Variants in TRAPPC13 observed in about 807,000 individuals in gnomAD.
TRAPPC13 encodes REV7-interacting novel NHEJ regulator 1.
Under a neutral mutation model 54.0 loss-of-function variants are expected in TRAPPC13, and 39 were observed. The observed-to-expected ratio is 0.72, with a 90% CI of 0.56 to 0.94. The LOEUF (loss-of-function observed/expected upper bound fraction) is 0.94. Among genes scored for constraint, TRAPPC13 ranks in the 40% least tolerant of loss-of-function variants. TRAPPC13 has a pLI of 0.00. For missense variants in TRAPPC13, 386 were observed against 488.1 expected, an observed-to-expected ratio of 0.79 and a Z score of 1.97; for synonymous variants, 148 against 167.7, an observed-to-expected ratio of 0.88 and a Z score of 0.91.
intron 4 of TRAPPC13, among the ~76,000 whole-genome samples, chr5:65,640,370 C>A (rs1180230748): frequency 6.6e-6 from 1 of 152,160 alleles, no homozygotes; most frequent in African/African-American, 2.4e-5. Flanking sequence ...GGCACCGCCT[C>A]TACAAACAAA....
chr5:65,635,058 T>A, intron 1 of TRAPPC13: 1 of 542,242 alleles, frequency 1.8e-6, no homozygotes, highest in Non-Finnish European at 2.3e-6. Context: ...ATGCATATTG[T>A]ATTTACATTT....
At chr5:65,625,390 A>T (rs1755163970) in intron 1 of TRAPPC13, 1 of 412,642 alleles carries the variant, frequency 2.4e-6, no homozygotes, top group Non-Finnish European at 4.3e-6. Context: ...CCTACCGTGG[A>T]GATCTCTGTG....
chr5:65,644,566 T>G (rs1337798667), intron 4 of TRAPPC13, among the ~76,000 whole-genome samples: 1 of 152,222 alleles, frequency 6.6e-6, no homozygotes, highest in Non-Finnish European at 1.5e-5. Flanking sequence ...TTATTTCTTT[T>G]TTTCTCTAAT....
At chr5:65,629,963 C>T in intron 1 of TRAPPC13, 2 of 1,536,056 alleles carry the variant, frequency 1.3e-6, no homozygotes, top group South Asian at 2.4e-5. Context: ...AAAGGGAAAA[C>T]AGCACAAGAG....
intron 7 of TRAPPC13, among the ~76,000 whole-genome samples, chr5:65,655,421 A>C (rs1756616817): frequency 6.6e-6 from 1 of 152,142 alleles, no homozygotes; most frequent in South Asian, 2.1e-4. Flanking sequence ...GTTCTTCTCT[A>C]TTCCATTGTC....
chr5:65,653,134 CAAAA>C (rs56915791), intron 7 of TRAPPC13, among the ~76,000 whole-genome samples: 1 of 114,222 alleles, frequency 8.8e-6, no homozygotes, highest in African/African-American at 3.2e-5. Flanking sequence ...AGAACTTGCC[CAAAA>C]AAAAAAAAGA....
chr5:65,635,983 C>T lies in TRAPPC13; in HGVS notation c.155C>T (p.Thr52Ile), dbSNP rs755171533. Residue 52 changes from threonine to isoleucine, a missense_variant, in exon 3 of 13, where the codon ACC (threonine) becomes ATC (isoleucine). Thr to Ile is a moderately conservative substitution (Grantham distance 89, BLOSUM62 -1). Coordinates refer to ENST00000399438, the MANE Select transcript of TRAPPC13 (RefSeq NM_024941.4). ...CAGCTGATGAGAGATGATCCTTCAA[C>T]CGTTAATGGTGCAGAAGTTTTAATG... Reference protein sequence around the residue: ...FNQLMRDDPSTVNGAEVLMLG... With the variant: ...FNQLMRDDPSIVNGAEVLMLG... 6 of 1,601,490 alleles carry T rather than the reference C, an allele frequency of 3.7e-6. No individual in the cohort carries two copies. In the African/African-American group the frequency reaches 8.0e-5, roughly 21 times the overall value.
intron 5 of TRAPPC13, among the ~76,000 whole-genome samples, chr5:65,649,336 A>C (rs953980164): frequency 6.6e-6 from 1 of 152,222 alleles, no homozygotes; most frequent in Admixed American, 6.5e-5. Flanking sequence ...ACAGAGATGA[A>C]CACCTTAATG....
At chr5:65,635,174 T>C (rs1755702166) in intron 1 of TRAPPC13, 127 bp from the exon 2 acceptor site, 1 of 814,476 alleles carries the variant, frequency 1.2e-6, no homozygotes, top group Non-Finnish European at 1.9e-6. Context: ...TGTAGTATTA[T>C]ATTTAGGAAG....
In TRAPPC13 at chr5:65,665,659, C is replaced by G. The variant is rs62367742; in HGVS notation, c.*1048C>G. 6.6e-6 allele frequency: 1 copy of G among 152,006 alleles called. No individual in the cohort carries two copies. Among genetic ancestry groups the G allele is most frequent in the Non-Finnish European group, 1.5e-5 (1 of 67,982 alleles). The allele number at this position is 152,006 out of a possible 1,614,324, so 9.4% of individuals were successfully genotyped here. On this transcript the variant is annotated 3_prime_UTR_variant, in exon 13 of 13. Coordinates refer to ENST00000399438, the MANE Select transcript of TRAPPC13 (RefSeq NM_024941.4). ...TAAGGTATATTTAAATAATTCCCAT[C>G]TTCTGATATGATTTTAAACTCTAAA...
intron 4 of TRAPPC13, among the ~76,000 whole-genome samples, chr5:65,645,147 G>A (rs1051127776): frequency 3.5e-5 from 5 of 141,440 alleles, no homozygotes; most frequent in African/African-American, 1.3e-4. Flanking sequence ...GCAGTCAGCC[G>A]AGATCATGCC....
intron 4 of TRAPPC13, among the ~76,000 whole-genome samples, chr5:65,640,847 T>C (rs1755937108): frequency 6.6e-6 from 1 of 152,176 alleles, no homozygotes; most frequent in African/African-American, 2.4e-5. Flanking sequence ...TTTATAATAA[T>C]AATTATAAGC....
chr5:65,640,791 A>G (rs1303128454), intron 4 of TRAPPC13, among the ~76,000 whole-genome samples: 1 of 152,216 alleles, frequency 6.6e-6, no homozygotes, highest in East Asian at 1.9e-4. Context: ...ATACAGTAGT[A>G]TGCATGTTCT....
rs551618544 is a variant in TRAPPC13 at position 65,630,238 on chromosome 5, T to G, written c.47-5063T>G. 120 of 1,535,858 alleles carry G rather than the reference T, an allele frequency of 7.8e-5. No homozygotes were observed. In the East Asian group the frequency reaches 2.9e-3, roughly 37 times the overall value. On this transcript the variant is annotated intron_variant, in intron 1 of 12. Coordinates refer to ENST00000399438, the MANE Select transcript of TRAPPC13 (RefSeq NM_024941.4). ...GCCAAATATGGGTGTTCTGTGATAT[T>G]ATGTATTGTGAATATGTGGGAAGTC...
chr5:65,629,946 A>C, intron 1 of TRAPPC13: 2 of 1,536,110 alleles, frequency 1.3e-6, no homozygotes, highest in East Asian at 4.9e-5. Flanking sequence ...CTGGGTAAAC[A>C]ATCAGAAAAG....
intron 1 of TRAPPC13, chr5:65,630,558 G>A: frequency 8.3e-7 from 1 of 1,206,350 alleles, no homozygotes; most frequent in Non-Finnish European, 1.0e-6. Flanking sequence ...AAAATGTTCT[G>A]TTCCTTTTGT....
chr5:65,636,687 C>T lies in TRAPPC13; in HGVS notation c.215+644C>T, dbSNP rs1339335342. Among the ~76,000 whole-genome samples, 3 of 152,066 alleles carry T rather than the reference C, an allele frequency of 2.0e-5. No individual in the cohort carries two copies. In the East Asian group the frequency reaches 5.8e-4, roughly 29 times the overall value. ...GTTTTTTTGCATCATAGTCCTCTCCCAAAATGAGTTATCAGACTTGTCAGC... is the reference window on the plus strand; with the variant it reads ...GTTTTTTTGCATCATAGTCCTCTCCTAAAATGAGTTATCAGACTTGTCAGC... On this transcript the variant is annotated intron_variant, in intron 3 of 12. Transcript: ENST00000399438.
At position 65,634,047 on chromosome 5, in the gene TRAPPC13, G is replaced by A. The variant is rs534607875; in HGVS notation, c.47-1254G>A. Among the ~76,000 whole-genome samples, 8 of 119,184 alleles carry A rather than the reference G, an allele frequency of 6.7e-5. No homozygotes were observed. The East Asian group carries it at 2.3e-3, about 34-fold the overall frequency. 78.2% of individuals were successfully genotyped at this position (119,184 alleles called of 152,430 possible). ...GTCGCCCAGGCTGGAGTACAGTGCC[G>A]CAATCTCGGCTCACTGCAACCTCCG... On this transcript the variant is annotated intron_variant, in intron 1 of 12. Transcript: ENST00000399438.
At chr5:65,635,679 T>G (rs932021623) in intron 2 of TRAPPC13, among the ~76,000 whole-genome samples, 4 of 152,210 alleles carry the variant, frequency 2.6e-5, no homozygotes, top group Admixed American at 1.3e-4. Context: ...CATTCCCTTT[T>G]TTTTTTAAGA....
Sources: allele counts gnomAD v4.1 joint callset (sites outside exome capture counted in the v4.1 genomes callset), GRCh38; gene constraint gnomAD v4.1.1; transcripts MANE v1.5; gene names NCBI Gene and HGNC (gene_info 2026-07-23, HGNC 2026-07-21).